SBNO1: variants seen among roughly 807,000 people sequenced by gnomAD.
The protein encoded by SBNO1 is protein strawberry notch homolog 1.
SBNO1 carries 23 observed loss-of-function variants against 173.6 expected under a neutral mutation model. That is an observed-to-expected ratio of 0.13 (90% CI 0.10 to 0.19). The LOEUF (loss-of-function observed/expected upper bound fraction) is 0.19, where lower values mean the gene tolerates loss of function less well. Ranked by LOEUF, SBNO1 falls within the 10% of genes least tolerant of loss-of-function variation. SBNO1 has a pLI of 1.00. For synonymous variants in SBNO1, 632 were observed against 571.5 expected (o/e 1.11, Z -1.51); for missense variants, 1,238 against 1,671.2 (o/e 0.74, Z 4.52).
Position 123,325,605 on chromosome 12 carries a change from G to A in SBNO1, c.1876-6C>T, listed in dbSNP as rs373314152. 2.7e-5 allele frequency: 41 copies of A among 1,544,404 alleles called. No individual in the cohort carries two copies. Among genetic ancestry groups the A allele is most frequent in the African/African-American group, 1.6e-4 (12 of 73,242 alleles). ...TGCAGACCAATTACAACACACTGGA[G>A]AAAAAAGAAAACATGTTAATTATGA... On this transcript the variant is annotated splice_region_variant and splice_polypyrimidine_tract_variant and intron_variant, in intron 14 of 31. Transcript: ENST00000602398.
rs769791912 is a variant in SBNO1 at position 123,297,975 on chromosome 12, C to T, written c.4039+3G>A. The T allele has an allele frequency of 9.3e-6, 15 of 1,610,460 alleles. No individual in the cohort carries two copies. The African/African-American group carries it at 1.7e-4, about 19-fold the overall frequency. On this transcript the variant is annotated splice_donor_region_variant and intron_variant, in intron 31 of 31. Coordinates refer to ENST00000602398, the MANE Select transcript of SBNO1 (RefSeq NM_001167856.3). ...CTCAAACCAAAACAAAAATTAGACT[C>T]ACCTACAATCCGTTGCCCATCTTCC...
Position 123,294,634 on chromosome 12 carries a change from C to CAAAAAAAAAAAAA in SBNO1, c.*1261_*1273dup, listed in dbSNP as rs143013489. On this transcript the variant is annotated 3_prime_UTR_variant, in exon 32 of 32. Coordinates refer to ENST00000602398, the MANE Select transcript of SBNO1 (RefSeq NM_001167856.3). ...TTTTCAATAGTGCAACCTGTGGAAG[C>CAAAAAAAAAAAAA]AAAAAAAAAAAAAAAAAAAAAAAAA... 7.4e-3 allele frequency: 446 copies of CAAAAAAAAAAAAA among 60,060 alleles called. 12 individuals are homozygous for CAAAAAAAAAAAAA. Among genetic ancestry groups the CAAAAAAAAAAAAA allele is most frequent in the Middle Eastern group, 0.013 (1 of 78 alleles). 3.7% of individuals were successfully genotyped at this position (60,060 alleles called of 1,614,324 possible). A position where few individuals can be genotyped will look rare whatever the true frequency, so the allele number is the denominator to read the frequency against.
chr12:123,339,411 T>C (rs1021818731), intron 5 of SBNO1, among the ~76,000 whole-genome samples: 2 of 152,166 alleles, frequency 1.3e-5, no homozygotes, highest in East Asian at 3.9e-4. Context: ...CCTACCCCTT[T>C]ACTCAGTCTG....
At chr12:123,351,409 G>C (rs1284129301) in intron 1 of SBNO1, among the ~76,000 whole-genome samples, 2 of 152,204 alleles carry the variant, frequency 1.3e-5, no homozygotes, top group Non-Finnish European at 2.9e-5. Flanking sequence ...GGAGGTGCAA[G>C]AGGTTAGCTT....
rs1034652585 is a variant in SBNO1, at chr12:123,289,264, T to C, written c.*6644A>G. The C allele has an allele frequency of 2.0e-5, 3 of 152,246 alleles. No individual in the cohort carries two copies. The East Asian group carries it at 5.8e-4, about 29-fold the overall frequency. The allele number at this position is 152,246 out of a possible 1,614,324, so 9.4% of individuals were successfully genotyped here. Reference sequence around the variant, plus strand: ...ATAAACCTTGCTAAAATGCAGCCAGTACATTTTTATTGCATGAGACCAAAT... The same window carrying C: ...ATAAACCTTGCTAAAATGCAGCCAGCACATTTTTATTGCATGAGACCAAAT... On this transcript the variant is annotated 3_prime_UTR_variant, in exon 32 of 32. Coordinates refer to ENST00000602398, the MANE Select transcript of SBNO1 (RefSeq NM_001167856.3).
intron 1 of SBNO1, among the ~76,000 whole-genome samples, chr12:123,359,868 A>T (rs1874926898): frequency 6.6e-6 from 1 of 152,216 alleles, no homozygotes; most frequent in South Asian, 2.1e-4. Context: ...ATAAAAACAA[A>T]GACAACTGCA....
chr12:123,350,565 T>A (rs1873755459), intron 1 of SBNO1, 124 bp from the exon 2 acceptor site: 2 of 764,426 alleles, frequency 2.6e-6, no homozygotes, highest in East Asian at 5.0e-5. Context: ...ATGAAGAACC[T>A]GCCATGTCTC....
rs545533445 is a variant in SBNO1, at chr12:123,308,514, CA to C, written c.3630+795del. The stretch of plus-strand genomic sequence containing the variant: ...TGAAACCCTGTCTCTACTAAAAATA[CA>C]AAAAAAATTAGCCAGGCGTGGTGGC... On this transcript the variant is annotated intron_variant, in intron 28 of 31. Transcript: ENST00000602398. Among the ~76,000 whole-genome samples, 19 of 150,080 alleles carry C rather than the reference CA, an allele frequency of 1.3e-4. No individual in the cohort carries two copies. In the South Asian group the frequency reaches 2.5e-3, roughly 20 times the overall value.
chr12:123,364,787 T>TGGCGGCGGC lies in SBNO1; in HGVS notation c.-96_-88dup, dbSNP rs1052656470. 3 of 986,926 alleles carry TGGCGGCGGC rather than the reference T, an allele frequency of 3.0e-6. No individual in the cohort carries two copies. Among genetic ancestry groups the TGGCGGCGGC allele is most frequent in the South Asian group, 4.6e-5 (1 of 21,792 alleles). 61.1% of individuals were successfully genotyped at this position (986,926 alleles called of 1,614,324 possible). ...GAGGCGACTGGAGCGGAGGCGGCGGTGGCGGCGGCAGCAGCGGCGTCCTGC... is the reference window on the plus strand; with the variant it reads ...GAGGCGACTGGAGCGGAGGCGGCGGTGGCGGCGGCGGCGGCGGCAGCAGCGGCGTCCTGC... On this transcript the variant is annotated 5_prime_UTR_variant, in exon 1 of 32. Coordinates refer to ENST00000602398, the MANE Select transcript of SBNO1 (RefSeq NM_001167856.3).
In SBNO1 at chr12:123,298,584, G is replaced by C. The variant is rs529235470; in HGVS notation, c.3846-413C>G. 2.0e-5 allele frequency among the ~76,000 whole-genome samples: 3 copies of C among 152,274 alleles called. No individual in the cohort carries two copies. In the South Asian group the frequency reaches 6.2e-4, roughly 32 times the overall value. ...ATTTCAAATAAACAATGTTTCAGCA[G>C]TATTTGCCTTTACTATTTCTTAGAT... On this transcript the variant is annotated intron_variant, in intron 30 of 31. Coordinates refer to ENST00000602398, the MANE Select transcript of SBNO1 (RefSeq NM_001167856.3).
At position 123,336,496 on chromosome 12, in the gene SBNO1, A is replaced by C; in HGVS notation, c.652-5T>G. On this transcript the variant is annotated splice_region_variant and splice_polypyrimidine_tract_variant and intron_variant, in intron 5 of 31. Coordinates refer to ENST00000602398, the MANE Select transcript of SBNO1 (RefSeq NM_001167856.3). Reference sequence around the variant, plus strand: ...TTCTTTTACAACAGGAACCTTCTGCAACACAGAAAGAGCACAATCAATCCC... The same window carrying C: ...TTCTTTTACAACAGGAACCTTCTGCCACACAGAAAGAGCACAATCAATCCC... 6.3e-7 allele frequency: 1 copy of C among 1,596,926 alleles called. No individual in the cohort carries two copies. The highest frequency in any genetic ancestry group is 8.6e-7 in the Non-Finnish European group (1 of 1,168,282).
intron 31 of SBNO1, among the ~76,000 whole-genome samples, chr12:123,296,979 A>C (rs1159020965): frequency 3.3e-5 from 5 of 152,010 alleles, no homozygotes; most frequent in Non-Finnish European, 5.9e-5. Flanking sequence ...TTACAAGGTG[A>C]ACTACCATGC....
At chr12:123,308,529 A>T (rs991721781) in intron 28 of SBNO1, among the ~76,000 whole-genome samples, 1 of 152,020 alleles carries the variant, frequency 6.6e-6, no homozygotes, top group East Asian at 1.9e-4. Context: ...AAAATTAGCC[A>T]GGCGTGGTGG....
At chr12:123,354,152 G>T (rs1874176872) in intron 1 of SBNO1, among the ~76,000 whole-genome samples, 1 of 151,958 alleles carries the variant, frequency 6.6e-6, no homozygotes, top group Non-Finnish European at 1.5e-5. Flanking sequence ...AGAGAGCAAC[G>T]GTTATAAATA....
In SBNO1 at chr12:123,323,739, C is replaced by G. The variant is rs1870282753; in HGVS notation, c.2066G>C (p.Ser689Thr). The G allele has an allele frequency of 6.2e-7, 1 of 1,612,612 alleles. No individual in the cohort carries two copies. Among genetic ancestry groups the G allele is most frequent in the Non-Finnish European group, 8.5e-7 (1 of 1,179,492 alleles). Residue 689 changes from serine (S) to threonine (T), a missense_variant, in exon 16 of 32, where the codon AGT (serine) becomes ACT (threonine). By Grantham distance (58) the Ser-to-Thr change is moderately conservative (BLOSUM62 1). This residue lies in a region of SBNO1 where 81 missense variants were observed against 82.6 expected (regional missense o/e 0.98). Coordinates refer to ENST00000602398, the MANE Select transcript of SBNO1 (RefSeq NM_001167856.3). ...SLLGIDLTAP[S>T]NNSSPRDSPC... ...ACTATCTCTTGGCGAACTGTTGTTA[C>G]TTGGAGCTGTCAAATCGATTCCTAG...
At chr12:123,322,994 T>TC (rs1257315092) in intron 16 of SBNO1, among the ~76,000 whole-genome samples, 1 of 152,198 alleles carries the variant, frequency 6.6e-6, no homozygotes, top group Admixed American at 6.5e-5. Context: ...AGGTTTTAGT[T>TC]CCCATGCATC....
At chr12:123,353,563 T>C (rs1254856197) in intron 1 of SBNO1, among the ~76,000 whole-genome samples, 4 of 152,174 alleles carry the variant, frequency 2.6e-5, no homozygotes, top group Non-Finnish European at 1.5e-5. Context: ...AATGTCCCAA[T>C]ATAGATTTCA....
At chr12:123,334,777 A>T (rs1566043187) in intron 6 of SBNO1, among the ~76,000 whole-genome samples, 4 of 83,334 alleles carry the variant, frequency 4.8e-5, no homozygotes, top group African/African-American at 7.8e-5. Context: ...AAAAAGATCT[A>T]AAAAAACACC....
At chr12:123,330,722 G>C (rs1165600540) in intron 8 of SBNO1, among the ~76,000 whole-genome samples, 1 of 151,918 alleles carries the variant, frequency 6.6e-6, no homozygotes, top group Admixed American at 6.6e-5. Flanking sequence ...GACTGCTTGA[G>C]CCCAGGAGTT....
Sources: gnomAD v4.1 joint callset for allele counts (sites outside exome capture counted in the v4.1 genomes callset) on GRCh38, gnomAD v4.1.1 for gene constraint, gnomAD v4.1.1 regional missense constraint, MANE v1.5 for transcripts, NCBI Gene and HGNC (gene_info 2026-07-23, HGNC 2026-07-21) for gene names.